The following TBC1D19 variants were observed in gnomAD, a reference collection of about 807,000 sequenced individuals.
TBC1D19 encodes TBC1 domain family, member 19.
TBC1D19 carries 60 observed loss-of-function variants against 89.0 expected under a neutral mutation model. The observed-to-expected ratio is 0.67, with a 90% CI of 0.55 to 0.84. The LOEUF (loss-of-function observed/expected upper bound fraction) is 0.84. Ranked by LOEUF, TBC1D19 falls within the 40% of genes least tolerant of loss-of-function variation. The pLI, the probability that TBC1D19 is intolerant of heterozygous loss-of-function variation, is 0.00. For missense variants in TBC1D19, 500 were observed against 610.8 expected (o/e 0.82, Z 1.91); for synonymous variants, 189 against 199.7 (o/e 0.95, Z 0.45).
chr4:26,762,751 G>A, the TBC1D19 span, among the ~76,000 whole-genome samples: 1 of 152,152 alleles, frequency 6.6e-6, no homozygotes, highest in South Asian at 2.1e-4. Context: ...ATAATTGAAA[G>A]TGAAACAGAG....
the TBC1D19 span, among the ~76,000 whole-genome samples, chr4:26,817,968 T>TAA: frequency 0.013 from 1,552 of 119,100 alleles, 38 homozygotes; most frequent in African/African-American, 0.046. Context: ...AAACTCCATT[T>TAA]AAAAAAAAAA....
At chr4:26,781,016 G>A in the TBC1D19 span, among the ~76,000 whole-genome samples, 2 of 152,192 alleles carry the variant, frequency 1.3e-5, no homozygotes, top group African/African-American at 4.8e-5. Context: ...TGAACTATGT[G>A]CCTTGGAAAG....
upstream of TBC1D19, among the ~76,000 whole-genome samples, chr4:26,582,213 A>AAT (rs1739088534): frequency 6.6e-6 from 1 of 152,012 alleles, no homozygotes; most frequent in South Asian, 2.1e-4. Context: ...TTAATTTATT[A>AAT]ATATATATTA....
the TBC1D19 span, among the ~76,000 whole-genome samples, chr4:26,786,863 G>A: frequency 6.6e-6 from 1 of 152,102 alleles, no homozygotes; most frequent in African/African-American, 2.4e-5. Flanking sequence ...ATGGGTGGGT[G>A]GGTGCATGAG....
chr4:26,666,452 G>C (rs1481103660), intron 9 of TBC1D19, 47 bp downstream of exon 9: 2 of 1,506,778 alleles, frequency 1.3e-6, no homozygotes, highest in East Asian at 2.3e-5. Context: ...ATGAGAGTGA[G>C]CCTAAGGTTT....
the TBC1D19 span, among the ~76,000 whole-genome samples, chr4:26,816,283 A>G: frequency 3.3e-5 from 5 of 152,136 alleles, no homozygotes; most frequent in East Asian, 3.9e-4. Flanking sequence ...TTACACCGCA[A>G]TTATCTGTGA....
At chr4:26,637,532 T>A (rs1013834076) in intron 5 of TBC1D19, among the ~76,000 whole-genome samples, 1 of 152,062 alleles carries the variant, frequency 6.6e-6, no homozygotes, top group Non-Finnish European at 1.5e-5. Context: ...CCACCAGGTC[T>A]GGCTAATTTT....
intron 15 of TBC1D19, among the ~76,000 whole-genome samples, chr4:26,721,128 C>A (rs1431162304): frequency 6.6e-6 from 1 of 151,854 alleles, no homozygotes; most frequent in Non-Finnish European, 1.5e-5. Context: ...TATCTAGGGG[C>A]TGCCATTTGC....
the TBC1D19 span, among the ~76,000 whole-genome samples, chr4:26,827,847 G>T: frequency 6.6e-6 from 1 of 151,950 alleles, no homozygotes; most frequent in East Asian, 1.9e-4. Flanking sequence ...CAGCTTCCTG[G>T]GTAGGTGTGA....
At chr4:26,647,462 G>A (rs1404552762) in intron 7 of TBC1D19, among the ~76,000 whole-genome samples, 1 of 152,110 alleles carries the variant, frequency 6.6e-6, no homozygotes, top group African/African-American at 2.4e-5. Context: ...CACCACCACT[G>A]CTATATCCAA....
At chr4:26,704,265 A>C (rs1030432177) in intron 13 of TBC1D19, among the ~76,000 whole-genome samples, 1 of 152,212 alleles carries the variant, frequency 6.6e-6, no homozygotes, top group Non-Finnish European at 1.5e-5. Flanking sequence ...GAGTAGTTTG[A>C]CAGTACCATT....
chr4:26,731,233 T>C (rs1264780725), intron 15 of TBC1D19, among the ~76,000 whole-genome samples: 1 of 152,018 alleles, frequency 6.6e-6, no homozygotes, highest in Non-Finnish European at 1.5e-5. Context: ...AGGAAGATTA[T>C]TGTTTAAAAT....
intron 19 of TBC1D19, among the ~76,000 whole-genome samples, chr4:26,753,237 A>G (rs545974367): frequency 6.6e-6 from 1 of 152,342 alleles, no homozygotes; most frequent in East Asian, 1.9e-4. Context: ...TACATATGAA[A>G]CATAATCTGT....
chr4:26,740,196 T>C (rs1182571693), intron 17 of TBC1D19, among the ~76,000 whole-genome samples: 1 of 152,214 alleles, frequency 6.6e-6, no homozygotes, highest in East Asian at 1.9e-4. Context: ...TACATTTAAA[T>C]GATTTTTTTC....
the TBC1D19 span, among the ~76,000 whole-genome samples, chr4:26,823,091 C>T: frequency 2.6e-5 from 4 of 152,230 alleles, no homozygotes; most frequent in African/African-American, 4.8e-5. Flanking sequence ...TACAGTTCCA[C>T]GTGGCTGGGG....
chr4:26,834,926 G>A, the TBC1D19 span, among the ~76,000 whole-genome samples: 3 of 152,272 alleles, frequency 2.0e-5, no homozygotes, highest in South Asian at 2.1e-4. Flanking sequence ...ACCTGGATGT[G>A]CCATATTCAC....
intron 7 of TBC1D19, among the ~76,000 whole-genome samples, chr4:26,652,869 C>T (rs531678661): frequency 1.3e-5 from 2 of 152,230 alleles, no homozygotes; most frequent in Non-Finnish European, 2.9e-5. Context: ...CTATCTCCTT[C>T]AGTTCTTCTC....
At chr4:26,732,065 A>G (rs1450580468) in intron 15 of TBC1D19, among the ~76,000 whole-genome samples, 2 of 151,954 alleles carry the variant, frequency 1.3e-5, no homozygotes, top group African/African-American at 4.8e-5. Flanking sequence ...TCTTCTTATT[A>G]TTATGTGTAA....
At chr4:26,833,000 C>A in the TBC1D19 span, among the ~76,000 whole-genome samples, 6 of 151,866 alleles carry the variant, frequency 4.0e-5, no homozygotes, top group South Asian at 2.1e-4. Flanking sequence ...TCTCAAAAAA[C>A]CAAAAACAAA....
Sources: gnomAD v4.1 joint callset for allele counts (sites outside exome capture counted in the v4.1 genomes callset) on GRCh38, gnomAD v4.1.1 for gene constraint, MANE v1.5 for transcripts, NCBI Gene and HGNC (gene_info 2026-07-23, HGNC 2026-07-21) for gene names.